The following PCDHA7 variants were observed in gnomAD, a reference collection of about 807,000 sequenced individuals.
PCDHA7 encodes the protein protocadherin alpha 7, also known as protocadherin alpha-7.
A neutral mutation model predicts 57.2 loss-of-function variants in PCDHA7; 37 were observed. That is an observed-to-expected ratio of 0.65 (90% CI 0.50 to 0.85). The LOEUF (loss-of-function observed/expected upper bound fraction) is 0.85, where lower values mean the gene tolerates loss of function less well. PCDHA7 is among the 40% of genes least tolerant of loss of function. PCDHA7 has a pLI of 0.00. For missense variants in PCDHA7, 1,188 were observed against 1,241.8 expected, an observed-to-expected ratio of 0.96 and a Z score of 0.65; for synonymous variants, 553 against 558.8, an observed-to-expected ratio of 0.99 and a Z score of 0.15.
At chr5:140,975,120 C>CT (rs140169299) in intron 1 of PCDHA7, among the ~76,000 whole-genome samples, 5 of 152,258 alleles carry the variant, frequency 3.3e-5, no homozygotes, top group African/African-American at 1.2e-4. Flanking sequence ...TGTTTTCCTA[C>CT]TTACTATTGG....
chr5:140,987,078 G>T (rs1158243032), intron 3 of PCDHA7, among the ~76,000 whole-genome samples: 4 of 152,026 alleles, frequency 2.6e-5, no homozygotes, highest in Non-Finnish European at 5.9e-5. Context: ...GCTGGGCGTG[G>T]TGGCAGGTGC....
intron 1 of PCDHA7, chr5:140,884,006 C>T (rs369069323): frequency 1.2e-6 from 2 of 1,612,906 alleles, no homozygotes; most frequent in African/African-American, 2.7e-5. Context: ...AGTGAGCGAG[C>T]TGATGCCGCG....
At chr5:140,882,839 T>C (rs1554175751) in intron 1 of PCDHA7, 1 of 1,614,218 alleles carries the variant, frequency 6.2e-7, no homozygotes, top group South Asian at 1.1e-5. Flanking sequence ...GCAAATGTCT[T>C]CATTATCACT....
intron 1 of PCDHA7, among the ~76,000 whole-genome samples, chr5:140,912,310 A>G (rs936183695): frequency 4.0e-5 from 6 of 151,764 alleles, no homozygotes; most frequent in African/African-American, 1.2e-4. Context: ...AATCCAGTCA[A>G]GTTGACCCTC....
At position 140,895,904 on chromosome 5, in the gene PCDHA7, C is replaced by A. The variant is rs956599707; in HGVS notation, c.2355+59166C>A. Among the ~76,000 whole-genome samples, 7 of 152,138 alleles carry A rather than the reference C, an allele frequency of 4.6e-5. No homozygotes were observed. In the South Asian group the frequency reaches 1.5e-3, roughly 32 times the overall value. On this transcript the variant is annotated intron_variant, in intron 1 of 3. Transcript: ENST00000525929. ...TCGGCTCACTGCAACCTCCGCGTCC[C>A]GGGCTCAACAATTATCCTGCCTCAG...
At chr5:140,980,279 AAAAGTACC>A (rs1554241598) in intron 2 of PCDHA7, among the ~76,000 whole-genome samples, 2 of 152,236 alleles carry the variant, frequency 1.3e-5, no homozygotes, top group African/African-American at 4.8e-5. Flanking sequence ...CCAACTCTTG[AAAAGTACC>A]AAAGCTATGA....
chr5:140,856,905 C>T, intron 1 of PCDHA7: 1 of 1,595,990 alleles, frequency 6.3e-7, no homozygotes. Context: ...TTGGTCCCAC[C>T]CACGATAAGA....
intron 1 of PCDHA7, among the ~76,000 whole-genome samples, chr5:140,945,853 A>G (rs782332952): frequency 6.6e-6 from 1 of 152,190 alleles, no homozygotes; most frequent in Non-Finnish European, 1.5e-5. Flanking sequence ...AAAGACTTAA[A>G]CATAGACCTG....
intron 1 of PCDHA7, chr5:140,848,340 A>C (rs1781459761): frequency 3.4e-6 from 3 of 893,920 alleles, no homozygotes; most frequent in Admixed American, 2.4e-5. Flanking sequence ...ATCCAGACAA[A>C]TACAGCCCTT....
chr5:140,990,838 A>C (rs2097419271), intron 3 of PCDHA7, among the ~76,000 whole-genome samples: 1 of 152,222 alleles, frequency 6.6e-6, no homozygotes, highest in Admixed American at 6.5e-5. Flanking sequence ...CCTATTAGCA[A>C]AAATAGAGCC....
intron 1 of PCDHA7, among the ~76,000 whole-genome samples, chr5:140,978,436 G>A (rs190191755): frequency 6.6e-6 from 1 of 152,348 alleles, no homozygotes; most frequent in East Asian, 1.9e-4. Flanking sequence ...AGTTGCTGGT[G>A]TTATGACTGG....
At chr5:140,927,564 G>T (rs868927450) in intron 1 of PCDHA7, 1 of 1,614,150 alleles carries the variant, frequency 6.2e-7, no homozygotes. Context: ...TCATTGTGGT[G>T]GACACAAATG....
intron 1 of PCDHA7, chr5:140,857,912 C>A: frequency 1.3e-6 from 2 of 1,597,766 alleles, no homozygotes; most frequent in African/African-American, 1.3e-5. Flanking sequence ...CATCCCGTTT[C>A]GCGTGGGGCT....
intron 1 of PCDHA7, among the ~76,000 whole-genome samples, chr5:140,915,885 G>A (rs1487160672): frequency 6.6e-6 from 1 of 152,204 alleles, no homozygotes; most frequent in Admixed American, 6.5e-5. Context: ...AGGGTAGCAA[G>A]TTCCCCCTGG....
chr5:140,923,804 A>G (rs782008903), intron 1 of PCDHA7, among the ~76,000 whole-genome samples: 30 of 152,222 alleles, frequency 2.0e-4, no homozygotes, highest in Admixed American at 3.9e-4. Flanking sequence ...CACAAATGAA[A>G]TCTTCTGAAA....
intron 1 of PCDHA7, chr5:140,870,593 G>A (rs991131905): frequency 6.2e-7 from 1 of 1,613,572 alleles, no homozygotes; most frequent in Non-Finnish European, 8.5e-7. Flanking sequence ...GTGGAGCGGC[G>A]GTTGGGCGAC....
chr5:140,850,339 C>T (rs2150480105), intron 1 of PCDHA7: 3 of 1,597,742 alleles, frequency 1.9e-6, no homozygotes, highest in East Asian at 2.2e-5. Flanking sequence ...CAGCCAGAAA[C>T]GGCCAGCGCG....
chr5:140,843,739 T>C (rs1554140396), intron 1 of PCDHA7: 2 of 1,538,164 alleles, frequency 1.3e-6, no homozygotes, highest in African/African-American at 2.7e-5. Context: ...AATTTAGAAC[T>C]CATAAATTCT....
Position 140,842,759 on chromosome 5 carries a change from C to T in PCDHA7, c.2355+6021C>T, listed in dbSNP as rs1270005538. 3 of 1,594,688 alleles carry T rather than the reference C, an allele frequency of 1.9e-6. No homozygotes were observed. The East Asian group carries it at 6.7e-5, about 36-fold the overall frequency. ...CTGCCACATCTTCACGGTGTCTGCG[C>T]GAGACGCGGACGCGCAGGAGAACGC... is the stretch of plus-strand genomic sequence containing the variant. On this transcript the variant is annotated intron_variant, in intron 1 of 3. Coordinates refer to ENST00000525929, the MANE Select transcript of PCDHA7 (RefSeq NM_018910.3).
Sources: allele counts gnomAD v4.1 joint callset (sites outside exome capture counted in the v4.1 genomes callset), GRCh38; gene constraint gnomAD v4.1.1; transcripts MANE v1.5; gene names NCBI Gene and HGNC (gene_info 2026-07-23, HGNC 2026-07-21).